Variants in FNIP2 observed in about 807,000 individuals in gnomAD.
FNIP2 encodes the protein folliculin interacting protein 2, also known as folliculin-interacting protein 2.
FNIP2 carries 32 observed loss-of-function variants against 108.7 expected under a neutral mutation model. The ratio of observed to expected loss-of-function variants is 0.29; its 90% CI spans 0.22 to 0.40. The LOEUF is 0.40. FNIP2 is among the 10% of genes least tolerant of loss of function. The probability of loss-of-function intolerance (pLI) is 1.00; values close to 1 mark genes in which losing one functional copy is unlikely to be tolerated. For missense variants in FNIP2, 1,202 were observed against 1,381.6 expected (o/e 0.87, Z 2.06); for synonymous variants, 480 against 496.7 (o/e 0.97, Z 0.45).
chr4:158,769,991 A>T (rs538152773), intron 1 of FNIP2, among the ~76,000 whole-genome samples: 163 of 152,340 alleles, frequency 1.1e-3, no homozygotes, highest in Non-Finnish European at 1.9e-3. Flanking sequence ...GATAGCATTT[A>T]TGGAGAGCTT....
chr4:158,835,277 C>T (rs1578887970), intron 6 of FNIP2, 128 bp from the exon 7 acceptor site: 4 of 625,826 alleles, frequency 6.4e-6, no homozygotes, highest in Non-Finnish European at 1.1e-5. Flanking sequence ...TAGTTAATCT[C>T]TATTAAAAGC....
intron 9 of FNIP2, 56 bp from the exon 10 acceptor site, chr4:158,859,522 T>C: frequency 7.1e-7 from 1 of 1,415,824 alleles, no homozygotes; most frequent in Non-Finnish European, 9.8e-7. Flanking sequence ...TACAGCCCAG[T>C]AGATAAGTTA....
chr4:158,904,997 C>T lies in FNIP2; in HGVS notation c.*453C>T, dbSNP rs114193419. Reference sequence around the variant, plus strand: ...AACATATTTTGCTATTCTGAGACAACAATCAGAATACAGACTTTGGATTCC... The same window carrying T: ...AACATATTTTGCTATTCTGAGACAATAATCAGAATACAGACTTTGGATTCC... On this transcript the variant is annotated 3_prime_UTR_variant, in exon 17 of 17. Transcript: ENST00000264433. The T allele has an allele frequency of 4.9e-3, 757 of 155,244 alleles. 6 individuals carry two copies. The highest frequency in any genetic ancestry group is 0.017 in the African/African-American group (713 of 41,616). The allele number at this position is 155,244 out of a possible 1,614,324, so 9.6% of individuals were successfully genotyped here.
At chr4:158,805,021 G>A (rs1776893362) in intron 1 of FNIP2, among the ~76,000 whole-genome samples, 1 of 152,152 alleles carries the variant, frequency 6.6e-6, no homozygotes, top group Admixed American at 6.5e-5. Context: ...ATATAAGATT[G>A]TCTTAAGGTA....
chr4:158,870,522 T>C, intron 14 of FNIP2, 53 bp downstream of exon 14: 1 of 1,551,350 alleles, frequency 6.4e-7, no homozygotes, highest in Non-Finnish European at 8.8e-7. Flanking sequence ...TCAGTCAAGG[T>C]CTTGGCTGAC....
intron 5 of FNIP2, among the ~76,000 whole-genome samples, chr4:158,832,429 G>A (rs1395798407): frequency 1.3e-5 from 2 of 152,154 alleles, no homozygotes; most frequent in Non-Finnish European, 2.9e-5. Context: ...AAGAACAAAA[G>A]GGAAGGGGCT....
At chr4:158,870,218 A>G in intron 13 of FNIP2, 95 bp from the exon 14 acceptor site, 1 of 1,338,264 alleles carries the variant, frequency 7.5e-7, no homozygotes, top group South Asian at 1.4e-5. Flanking sequence ...AATCTATTTT[A>G]TTTACCTGTA....
chr4:158,893,515 T>G (rs1782421315), intron 15 of FNIP2: 2 of 553,384 alleles, frequency 3.6e-6, no homozygotes, highest in South Asian at 2.7e-5. Context: ...TATTAATGGT[T>G]GCAAAGACTG....
chr4:158,869,359 C>T lies in FNIP2; in HGVS notation c.2723C>T (p.Ala908Val). The T allele has an allele frequency of 2.5e-6, 4 of 1,612,440 alleles. No homozygotes were observed. The highest frequency in any genetic ancestry group is 3.4e-6 in the Non-Finnish European group (4 of 1,179,282). ...GDSDDEACAS[A>V]MLDLGHGGDR... Reference sequence around the variant, plus strand: ...AGTGACGACGAAGCCTGCGCTTCAGCCATGCTAGATCTGGGTCACGGTGGT... The same window carrying T: ...AGTGACGACGAAGCCTGCGCTTCAGTCATGCTAGATCTGGGTCACGGTGGT... Residue 908 changes from alanine (A) to valine (V), a missense_variant, in exon 13 of 17, where the codon GCC becomes GTC. Around this residue, in one of 5 missense-constraint regions of FNIP2, gnomAD observed 878 missense variants for 990.3 expected, o/e 0.89. Coordinates refer to ENST00000264433, the MANE Select transcript of FNIP2 (RefSeq NM_020840.3).
At chr4:158,822,174 CTT>C (rs70962634) in intron 1 of FNIP2, among the ~76,000 whole-genome samples, 8 of 118,184 alleles carry the variant, frequency 6.8e-5, no homozygotes, top group Admixed American at 2.7e-4. Flanking sequence ...GAGTTTTCCT[CTT>C]TTTTTTTTTT....
intron 14 of FNIP2, chr4:158,872,573 A>G: frequency 1.0e-6 from 1 of 985,366 alleles, no homozygotes; most frequent in Non-Finnish European, 1.2e-6. Context: ...GTTAATAGGA[A>G]ATTCCAAAGG....
chr4:158,862,962 T>G (rs1007604476), intron 12 of FNIP2, among the ~76,000 whole-genome samples: 1 of 152,236 alleles, frequency 6.6e-6, no homozygotes, highest in Admixed American at 6.5e-5. Flanking sequence ...TAGGTGTGCT[T>G]CTTATTTGAA....
intron 7 of FNIP2, among the ~76,000 whole-genome samples, chr4:158,845,009 G>A (rs139649184): frequency 1.0e-3 from 156 of 152,324 alleles, no homozygotes; most frequent in African/African-American, 3.6e-3. Flanking sequence ...TTTAAGCTGG[G>A]CGTTAACCAG....
chr4:158,781,962 G>A (rs1330026966), intron 1 of FNIP2, among the ~76,000 whole-genome samples: 2 of 152,010 alleles, frequency 1.3e-5, no homozygotes, highest in Non-Finnish European at 2.9e-5. Flanking sequence ...CTGAAGACTA[G>A]AGATAATACC....
At chr4:158,879,155 G>A (rs766260370) in intron 14 of FNIP2, among the ~76,000 whole-genome samples, 1 of 150,260 alleles carries the variant, frequency 6.7e-6, no homozygotes, top group Non-Finnish European at 1.5e-5. Flanking sequence ...GCATTTTTCA[G>A]GTTAAGTAAG....
rs200154804 is a variant in FNIP2 at position 158,861,448 on chromosome 4, A to G, written c.1255A>G (p.Lys419Glu). 274 of 1,613,896 alleles carry G rather than the reference A, an allele frequency of 1.7e-4. No homozygotes were observed. Among genetic ancestry groups the G allele is most frequent in the Non-Finnish European group, 2.2e-4 (264 of 1,179,908 alleles). Residue 419 changes from lysine (K) to glutamate (E), a missense_variant, in exon 11 of 17, where the codon AAG becomes GAG. Lys to Glu is a moderately conservative substitution (Grantham distance 56, BLOSUM62 1). This residue lies in a region of FNIP2 where 878 missense variants were observed against 990.3 expected (regional missense o/e 0.89). Coordinates refer to ENST00000264433, the MANE Select transcript of FNIP2 (RefSeq NM_020840.3). ...EKNQLCQRFL[K>E]EFTLLIEQIN... ...AAACCAGCTCTGCCAGCGCTTTCTC[A>G]AGGAGTTTACACTTCTGATAGAACA...
At chr4:158,836,492 A>G (rs1321623971) in intron 7 of FNIP2, 1 of 151,932 alleles carries the variant, frequency 6.6e-6, no homozygotes, top group African/African-American at 2.4e-5. Context: ...TGAGCTGGGA[A>G]CCTTTGGTCA....
At chr4:158,893,525 GACA>G in intron 15 of FNIP2, 2 of 559,372 alleles carry the variant, frequency 3.6e-6, no homozygotes, top group Non-Finnish European at 6.5e-6. Context: ...TGCAAAGACT[GACA>G]ACACCTTTTT....
At chr4:158,869,563 G>T in intron 13 of FNIP2, 135 bp downstream of exon 13, 3 of 1,238,694 alleles carry the variant, frequency 2.4e-6, no homozygotes, top group Non-Finnish European at 3.3e-6. Context: ...AGTACTAGAA[G>T]TATTATTAAT....
Sources: gnomAD v4.1 joint callset for allele counts (sites outside exome capture counted in the v4.1 genomes callset) on GRCh38, gnomAD v4.1.1 for gene constraint, gnomAD v4.1.1 regional missense constraint, MANE v1.5 for transcripts, NCBI Gene and HGNC (gene_info 2026-07-23, HGNC 2026-07-21) for gene names.